Variants in CRISPLD1 observed in about 807,000 individuals in gnomAD.
The protein encoded by CRISPLD1 is cysteine-rich secretory protein LCCL domain-containing 1.
A neutral mutation model predicts 77.5 loss-of-function variants in CRISPLD1; 60 were observed. The ratio of observed to expected loss-of-function variants is 0.77; its 90% CI spans 0.63 to 0.96. The LOEUF (loss-of-function observed/expected upper bound fraction) is 0.96, where lower values mean the gene tolerates loss of function less well. CRISPLD1 is among the 40% of genes least tolerant of loss of function. The pLI is 0.00. For synonymous variants in CRISPLD1, 195 were observed against 200.1 expected (o/e 0.97, Z 0.22); for missense variants, 623 against 615.8 (o/e 1.01, Z -0.12).
Position 75,033,324 on chromosome 8 carries a change from A to G in CRISPLD1, c.*1082A>G, listed in dbSNP as rs761940272. On this transcript the variant is annotated 3_prime_UTR_variant, in exon 15 of 15. Transcript: ENST00000262207. Reference sequence around the variant, plus strand: ...AAGTTTTATTTTCAGTTCCTTTTGCATGCCTATTTTGATTTAGAAATCACT... The same window carrying G: ...AAGTTTTATTTTCAGTTCCTTTTGCGTGCCTATTTTGATTTAGAAATCACT... 1 of 152,276 alleles carries G rather than the reference A, an allele frequency of 6.6e-6. No individual in the cohort carries two copies. The highest frequency in any genetic ancestry group is 1.5e-5 in the Non-Finnish European group (1 of 67,862). The allele number at this position is 152,276 out of a possible 1,614,324, so 9.4% of individuals were successfully genotyped here. A position where few individuals can be genotyped will look rare whatever the true frequency, so the allele number is the denominator to read the frequency against.
intron 2 of CRISPLD1, among the ~76,000 whole-genome samples, chr8:74,996,799 G>A (rs947445887): frequency 1.5e-5 from 2 of 137,374 alleles, no homozygotes; most frequent in Non-Finnish European, 3.0e-5. Context: ...GCTCACTGCA[G>A]CATCAAATTT....
chr8:75,023,556 A>G (rs1261856150), intron 12 of CRISPLD1, among the ~76,000 whole-genome samples: 1 of 152,230 alleles, frequency 6.6e-6, no homozygotes, highest in East Asian at 1.9e-4. Flanking sequence ...TTTTAGAAAT[A>G]AAAACTATAA....
intron 2 of CRISPLD1, among the ~76,000 whole-genome samples, chr8:75,001,421 T>C (rs1370079271): frequency 6.6e-6 from 1 of 152,166 alleles, no homozygotes; most frequent in Non-Finnish European, 1.5e-5. Context: ...GGAGATACAG[T>C]GATCAGAATG....
intron 2 of CRISPLD1, among the ~76,000 whole-genome samples, chr8:75,010,408 A>G (rs980501748): frequency 6.6e-6 from 1 of 152,080 alleles, no homozygotes; most frequent in African/African-American, 2.4e-5. Context: ...AAGTGAACAA[A>G]TTCTCTCTAG....
rs541879154 is a variant in CRISPLD1, at chr8:75,016,794, G to A, written c.869-87G>A. 3.9e-6 allele frequency: 6 copies of A among 1,545,600 alleles called. No homozygotes were observed. In the East Asian group the frequency reaches 6.8e-5, roughly 17 times the overall value. The stretch of plus-strand genomic sequence containing the variant: ...TTATTAATTTGAACATTTTTAGAAT[G>A]GAAAAAATTTTGTCATTAGGCTATA... On this transcript the variant is annotated intron_variant, in intron 7 of 14. Transcript: ENST00000262207.
At chr8:75,005,556 A>G (rs1812814605) in intron 2 of CRISPLD1, among the ~76,000 whole-genome samples, 2 of 152,052 alleles carry the variant, frequency 1.3e-5, no homozygotes. Flanking sequence ...TAGGTCCAGA[A>G]CACACAGCAC....
chr8:75,015,887 C>A (rs903491643), intron 6 of CRISPLD1, among the ~76,000 whole-genome samples: 1 of 152,130 alleles, frequency 6.6e-6, no homozygotes, highest in Non-Finnish European at 1.5e-5. Context: ...AGCTGACTTT[C>A]TTGTGACTTC....
chr8:75,014,443 C>A (rs557452033), intron 5 of CRISPLD1, among the ~76,000 whole-genome samples: 17 of 151,950 alleles, frequency 1.1e-4, no homozygotes, highest in African/African-American at 4.1e-4. Flanking sequence ...TGTGTAAAGA[C>A]CATTTAAGGG....
rs1464652098 is a variant in CRISPLD1 at position 75,032,866 on chromosome 8, AAAAT to A, written c.*629_*632del. On this transcript the variant is annotated 3_prime_UTR_variant, in exon 15 of 15. Coordinates refer to ENST00000262207, the MANE Select transcript of CRISPLD1 (RefSeq NM_031461.6). Reference sequence around the variant, plus strand: ...GTTTGATTCCTTGGGAATGGCCTTAAAAATAAATGTAATAAAGTCAGAGTGGTGG... The same window carrying A: ...GTTTGATTCCTTGGGAATGGCCTTAAAAATGTAATAAAGTCAGAGTGGTGG... 6 of 151,918 alleles carry A rather than the reference AAAAT, an allele frequency of 3.9e-5. No homozygotes were observed. Among genetic ancestry groups the A allele is most frequent in the African/African-American group, 1.4e-4 (6 of 41,434 alleles). 9.4% of individuals were successfully genotyped at this position (151,918 alleles called of 1,614,324 possible). A position where few individuals can be genotyped will look rare whatever the true frequency, so the allele number is the denominator to read the frequency against.
At chr8:75,013,910 A>G (rs1246174636) in intron 4 of CRISPLD1, 77 bp from the exon 5 acceptor site, 5 of 905,864 alleles carry the variant, frequency 5.5e-6, no homozygotes, top group Non-Finnish European at 9.0e-6. Context: ...TTCAAATTTT[A>G]TGCATTTTTC....
chr8:75,016,888 T>C lies in CRISPLD1; in HGVS notation c.876T>C (p.Ile292=). ...GTATTTTTTTCTTTGTAGCCCAAAT[T>C]GTTTCTTGTGAAGTAAGATTAAGAG... ...EVISAQQMSQ[I]VSCEVRLRDQ... The change falls in exon 8 of 15, where the codon ATT becomes ATC. Residue 292 remains isoleucine (I), a synonymous_variant. Coordinates refer to ENST00000262207, the MANE Select transcript of CRISPLD1 (RefSeq NM_031461.6). 6.4e-7 allele frequency: 1 copy of C among 1,569,496 alleles called. No individual in the cohort carries two copies. The highest frequency in any genetic ancestry group is 8.6e-7 in the Non-Finnish European group (1 of 1,156,242).
intron 2 of CRISPLD1, among the ~76,000 whole-genome samples, chr8:75,008,297 G>A (rs1315597550): frequency 6.6e-6 from 1 of 151,966 alleles, no homozygotes; most frequent in Non-Finnish European, 1.5e-5. Context: ...TTAAATTAGT[G>A]CTGGGTGAAT....
intron 6 of CRISPLD1, among the ~76,000 whole-genome samples, chr8:75,015,562 T>A (rs1038216853): frequency 1.3e-5 from 2 of 152,190 alleles, no homozygotes; most frequent in African/African-American, 4.8e-5. Flanking sequence ...AAGTGAACAT[T>A]TTTTACTGCC....
intron 13 of CRISPLD1, among the ~76,000 whole-genome samples, 179 bp downstream of exon 13, chr8:75,025,800 A>G (rs1467974586): frequency 6.6e-6 from 1 of 152,180 alleles, no homozygotes; most frequent in African/African-American, 2.4e-5. Flanking sequence ...ATGTACAATA[A>G]GAGTGTATAA....
chr8:75,011,407 T>A (rs117227030), intron 2 of CRISPLD1, among the ~76,000 whole-genome samples: 3,151 of 151,812 alleles, frequency 0.021, 43 homozygotes, highest in Middle Eastern at 0.044. Context: ...TTCATCACTG[T>A]CACTTGGGTT....
intron 2 of CRISPLD1, among the ~76,000 whole-genome samples, chr8:75,000,582 T>C (rs567634570): frequency 6.6e-6 from 1 of 152,150 alleles, no homozygotes; most frequent in African/African-American, 2.4e-5. Context: ...GAATTTCTCC[T>C]TTCTGCTTCC....
chr8:74,987,450 A>G (rs1254869834), intron 2 of CRISPLD1, among the ~76,000 whole-genome samples: 1 of 152,240 alleles, frequency 6.6e-6, no homozygotes, highest in African/African-American at 2.4e-5. Context: ...TTGTGAAGAT[A>G]GAAGGAGATA....
At chr8:75,025,941 C>G (rs984528990) in intron 13 of CRISPLD1, among the ~76,000 whole-genome samples, 4 of 152,184 alleles carry the variant, frequency 2.6e-5, no homozygotes, top group African/African-American at 7.2e-5. Flanking sequence ...TATTTGAAGT[C>G]TGAACTGGAT....
intron 2 of CRISPLD1, among the ~76,000 whole-genome samples, chr8:74,991,634 G>T (rs1312473123): frequency 6.6e-6 from 1 of 152,208 alleles, no homozygotes; most frequent in East Asian, 1.9e-4. Context: ...AGGCTCAAGA[G>T]ATTCTTCTGC....
Sources: allele counts gnomAD v4.1 joint callset (sites outside exome capture counted in the v4.1 genomes callset), GRCh38; gene constraint gnomAD v4.1.1; transcripts MANE v1.5; gene names NCBI Gene and HGNC (gene_info 2026-07-23, HGNC 2026-07-21).